Variants in UBAC2 observed in about 807,000 individuals in gnomAD.
The protein encoded by UBAC2 is ubiquitin-associated domain-containing protein 2.
UBAC2 carries 26 observed loss-of-function variants against 44.0 expected under a neutral mutation model. The ratio of observed to expected loss-of-function variants is 0.59; its 90% CI spans 0.43 to 0.82. The LOEUF (loss-of-function observed/expected upper bound fraction) is 0.82. UBAC2 is among the 40% of genes least tolerant of loss of function. The pLI, the probability that UBAC2 is intolerant of heterozygous loss-of-function variation, is 0.00. For missense variants in UBAC2, 329 were observed against 419.4 expected (o/e 0.78, Z 1.88); for synonymous variants, 155 against 154.3 (o/e 1.00, Z -0.04).
In UBAC2 at chr13:99,250,832, C is replaced by T. The variant is rs1002341641; in HGVS notation, c.389+6208C>T. 4.6e-5 allele frequency among the ~76,000 whole-genome samples: 7 copies of T among 152,022 alleles called. No individual in the cohort carries two copies. The South Asian group carries it at 6.2e-4, about 14-fold the overall frequency. On this transcript the variant is annotated intron_variant, in intron 4 of 8. Coordinates refer to ENST00000403766, the MANE Select transcript of UBAC2 (RefSeq NM_001144072.2). Reference sequence around the variant, plus strand: ...TGTGATCTTGGCTCACTGCAGCCTCCGCCTCCCAGGTTCAAGCAATTCTCC... The same window carrying T: ...TGTGATCTTGGCTCACTGCAGCCTCTGCCTCCCAGGTTCAAGCAATTCTCC...
At position 99,295,794 on chromosome 13, in the gene UBAC2, C is replaced by T; in HGVS notation, c.390-18303C>T. The T allele has an allele frequency of 6.2e-7, 1 of 1,613,198 alleles. No homozygotes were observed. Among genetic ancestry groups the T allele is most frequent in the Non-Finnish European group, 8.5e-7 (1 of 1,179,310 alleles). On this transcript the variant is annotated intron_variant, in intron 4 of 8. Transcript: ENST00000403766. This position sits in a 1 kb window ranked among gnomAD's most constrained non-coding sequence, Gnocchi z 4.1. ...CTCAGGCAGGTCATAAAGTTCACACCTGCATATGTGTTGATGTAAAACACT... is the reference window on the plus strand; with the variant it reads ...CTCAGGCAGGTCATAAAGTTCACACTTGCATATGTGTTGATGTAAAACACT...
chr13:99,325,656 A>G (rs1328830167), intron 6 of UBAC2, among the ~76,000 whole-genome samples: 1 of 152,132 alleles, frequency 6.6e-6, no homozygotes, highest in Non-Finnish European at 1.5e-5. Context: ...CTCTTGCTTA[A>G]CTGAAACTTT....
chr13:99,342,134 C>T (rs768609379), intron 7 of UBAC2, among the ~76,000 whole-genome samples: 5 of 152,066 alleles, frequency 3.3e-5, no homozygotes, highest in Non-Finnish European at 5.9e-5. Flanking sequence ...TCTATGGGGG[C>T]GGGCTGGCGA....
At chr13:99,237,263 T>C (rs1254472147) in intron 1 of UBAC2, among the ~76,000 whole-genome samples, 36 of 90,524 alleles carry the variant, frequency 4.0e-4, no homozygotes, top group East Asian at 8.1e-4. Flanking sequence ...CGTATATATA[T>C]ATATATATAC....
intron 1 of UBAC2, among the ~76,000 whole-genome samples, chr13:99,206,429 CCTT>C (rs983647730): frequency 1.3e-5 from 2 of 152,206 alleles, no homozygotes; most frequent in Non-Finnish European, 2.9e-5. Context: ...GATGGATGTG[CCTT>C]CTTCCACGGA....
chr13:99,255,845 G>A, intron 4 of UBAC2: 1 of 1,595,128 alleles, frequency 6.3e-7, no homozygotes, highest in South Asian at 1.1e-5. Flanking sequence ...AAAGGGACAG[G>A]TTGATCTTGA....
rs1426433065 is a variant in UBAC2 at position 99,207,997 on chromosome 13, T to C, written c.31+7058T>C. Among the ~76,000 whole-genome samples, 163 of 145,492 alleles carry C rather than the reference T, an allele frequency of 1.1e-3. 4 individuals carry two copies. Among genetic ancestry groups the C allele is most frequent in the Middle Eastern group, 3.6e-3 (1 of 276 alleles). On this transcript the variant is annotated intron_variant, in intron 1 of 8. Transcript: ENST00000403766. Reference sequence around the variant, plus strand: ...TATTTTTGCCTCTCATCGTCTCTTTTTTTTTTTTTTTTTTTTTGAGGTGGA... The same window carrying C: ...TATTTTTGCCTCTCATCGTCTCTTTCTTTTTTTTTTTTTTTTTGAGGTGGA...
chr13:99,206,090 G>A (rs2042868862), intron 1 of UBAC2: 1 of 152,870 alleles, frequency 6.5e-6, no homozygotes, highest in South Asian at 2.1e-4. Flanking sequence ...TCACTAGAGA[G>A]GGAATGCAGA....
At chr13:99,290,352 A>G (rs1374832579) in intron 4 of UBAC2, among the ~76,000 whole-genome samples, 1 of 152,198 alleles carries the variant, frequency 6.6e-6, no homozygotes, top group Non-Finnish European at 1.5e-5. Flanking sequence ...TCTGACTCTC[A>G]TCAAGAGGCC....
chr13:99,207,598 A>G (rs963944846), intron 1 of UBAC2, among the ~76,000 whole-genome samples: 2 of 152,034 alleles, frequency 1.3e-5, no homozygotes, highest in African/African-American at 4.8e-5. Flanking sequence ...CCATTGAGCT[A>G]CTCTGAGTGA....
chr13:99,314,182 A>G lies in UBAC2; in HGVS notation c.475A>G (p.Ile159Val), dbSNP rs756983185. ...QVAQILGPLSITNKTLIYILG... is the reference protein window; with the variant it reads ...QVAQILGPLSVTNKTLIYILG... ...GGCACAAATTCTGGGTCCGTTGTCC[A>G]TCACAAACAAGACATTGATTTATAT... The change falls in exon 5 of 9, where the codon ATC becomes GTC. Residue 159 changes from isoleucine to valine, a missense_variant. Transcript: ENST00000403766. 1.9e-6 allele frequency: 3 copies of G among 1,613,826 alleles called. No homozygotes were observed.
chr13:99,346,478 G>C (rs1009712488), intron 7 of UBAC2, among the ~76,000 whole-genome samples: 2 of 152,234 alleles, frequency 1.3e-5, no homozygotes, highest in Non-Finnish European at 2.9e-5. Flanking sequence ...CTGCTGCCGT[G>C]TGCAAGCCCT....
intron 7 of UBAC2, among the ~76,000 whole-genome samples, chr13:99,359,307 A>C (rs1379946393): frequency 6.6e-6 from 1 of 152,188 alleles, no homozygotes; most frequent in Non-Finnish European, 1.5e-5. Flanking sequence ...AAAATACCAG[A>C]CTATGAGCTT....
chr13:99,377,999 A>C (rs1274601064), intron 8 of UBAC2, among the ~76,000 whole-genome samples: 1 of 152,178 alleles, frequency 6.6e-6, no homozygotes, highest in Non-Finnish European at 1.5e-5. Flanking sequence ...GGAAGCATGA[A>C]CCTGGTTTTC....
At chr13:99,258,085 A>G (rs939827031) in intron 4 of UBAC2, 2 of 152,320 alleles carry the variant, frequency 1.3e-5, no homozygotes, top group African/African-American at 4.8e-5. Context: ...AAATGAAATG[A>G]TTTTTGAAAT....
intron 4 of UBAC2, among the ~76,000 whole-genome samples, chr13:99,308,204 G>A (rs1191236390): frequency 6.6e-6 from 1 of 152,184 alleles, no homozygotes; most frequent in Admixed American, 6.5e-5. Context: ...ACTTAGTCAG[G>A]ACTGATCTGG....
At chr13:99,376,053 G>A (rs1278548234) in intron 8 of UBAC2, among the ~76,000 whole-genome samples, 4 of 150,956 alleles carry the variant, frequency 2.6e-5, no homozygotes, top group African/African-American at 9.7e-5. Context: ...GAGGTAGTAG[G>A]CACACACATC....
intron 8 of UBAC2, among the ~76,000 whole-genome samples, chr13:99,378,853 T>C (rs889196111): frequency 6.6e-6 from 1 of 152,266 alleles, no homozygotes; most frequent in East Asian, 1.9e-4. Context: ...GAAGGTACTT[T>C]TATATTTATC....
At chr13:99,279,051 T>C (rs989455896) in intron 4 of UBAC2, among the ~76,000 whole-genome samples, 1 of 152,222 alleles carries the variant, frequency 6.6e-6, no homozygotes, top group African/African-American at 2.4e-5. Context: ...TCTGCTGTTG[T>C]GTAGCCAAAG....
Sources: gnomAD v4.1 joint callset for allele counts (sites outside exome capture counted in the v4.1 genomes callset) on GRCh38, gnomAD v4.1.1 for gene constraint, Gnocchi (gnomAD v3.1) non-coding constraint, MANE v1.5 for transcripts, NCBI Gene and HGNC (gene_info 2026-07-23, HGNC 2026-07-21) for gene names.